Variants in CUX2 observed in about 807,000 individuals in gnomAD.
CUX2 encodes homeobox protein cut-like 2.
A neutral mutation model predicts 144.8 loss-of-function variants in CUX2; 40 were observed. The ratio of observed to expected loss-of-function variants is 0.28; its 90% CI spans 0.21 to 0.36. CUX2 has a LOEUF of 0.36. Among genes scored for constraint, CUX2 ranks in the 10% least tolerant of loss-of-function variants. The pLI, the probability that CUX2 is intolerant of heterozygous loss-of-function variation, is 1.00. For synonymous variants in CUX2, 827 were observed against 875.6 expected (o/e 0.94, Z 0.98); for missense variants, 1,615 against 1,994.0 (o/e 0.81, Z 3.62).
In CUX2 at chr12:111,322,387, C is replaced by A; in HGVS notation, c.2767-34C>A. 1 of 1,528,576 alleles carries A rather than the reference C, an allele frequency of 6.5e-7. No homozygotes were observed. Among genetic ancestry groups the A allele is most frequent in the Admixed American group, 2.1e-5 (1 of 48,288 alleles). 94.7% of individuals were successfully genotyped at this position (1,528,576 alleles called of 1,614,324 possible). On this transcript the variant is annotated intron_variant, in intron 17 of 21. Transcript: ENST00000261726. The surrounding 1 kb of genome is among the most constrained non-coding windows in gnomAD (Gnocchi z 4.2). ...AGGGCCAGGCCCATGTCCCAGGGGC[C>A]TGCTGACCTACCCCCCTGGCCCGCC...
chr12:111,186,124 C>T lies in CUX2; in HGVS notation c.64-28076C>T, dbSNP rs1879513756. ...TCTGTCTCCGTCTCACTAGATTTCGCTTTCACGTCCTCTCTCGGCATTTCT... is the reference window on the plus strand; with the variant it reads ...TCTGTCTCCGTCTCACTAGATTTCGTTTTCACGTCCTCTCTCGGCATTTCT... On this transcript the variant is annotated intron_variant, in intron 1 of 21. Transcript: ENST00000261726. The surrounding 1 kb of genome is among the most constrained non-coding windows in gnomAD (Gnocchi z 4.4). 6.6e-6 allele frequency among the ~76,000 whole-genome samples: 1 copy of T among 152,066 alleles called. No individual in the cohort carries two copies. Among genetic ancestry groups the T allele is most frequent in the Non-Finnish European group, 1.5e-5 (1 of 68,028 alleles).
intron 1 of CUX2, among the ~76,000 whole-genome samples, chr12:111,166,012 C>T (rs1878116168): frequency 1.3e-5 from 2 of 152,042 alleles, no homozygotes; most frequent in Non-Finnish European, 2.9e-5. Context: ...TCCACTTTGA[C>T]TCTTTTTTGT....
chr12:111,064,423 G>T (rs1870939209), intron 1 of CUX2, among the ~76,000 whole-genome samples: 1 of 152,192 alleles, frequency 6.6e-6, no homozygotes, highest in Non-Finnish European at 1.5e-5. Context: ...ACATTCAAGT[G>T]GTGTCAGTTG....
At chr12:111,337,992 GC>G (rs1450786949) in intron 19 of CUX2, among the ~76,000 whole-genome samples, 2 of 151,846 alleles carry the variant, frequency 1.3e-5, no homozygotes, top group Non-Finnish European at 2.9e-5. Flanking sequence ...CCAAGATCAT[GC>G]CACTACGCTC....
rs75261212 is a variant in CUX2 at position 111,302,970 on chromosome 12, C to T, written c.754-1240C>T. ...GGCACAGTAGCTCATGCCTGTAATC[C>T]CAGCACTTTGGGAAGCCAAGGCAAG... On this transcript the variant is annotated intron_variant, in intron 9 of 21. Coordinates refer to ENST00000261726, the MANE Select transcript of CUX2 (RefSeq NM_015267.4). 5.0e-3 allele frequency among the ~76,000 whole-genome samples: 753 copies of T among 151,536 alleles called. 22 individuals carry two copies. In the East Asian group the frequency reaches 0.094, roughly 19 times the overall value.
intron 1 of CUX2, among the ~76,000 whole-genome samples, chr12:111,205,314 G>T (rs1030483933): frequency 6.6e-6 from 1 of 152,052 alleles, no homozygotes. Context: ...ATCCCCTGAA[G>T]CCCTCCTCAG....
intron 3 of CUX2, among the ~76,000 whole-genome samples, chr12:111,243,714 C>T (rs962745609): frequency 1.3e-5 from 2 of 151,820 alleles, no homozygotes; most frequent in Admixed American, 1.3e-4. Context: ...CAGCTTGGCC[C>T]TGGACTGAGG....
At chr12:111,036,027 T>G (rs1869428921) in intron 1 of CUX2, among the ~76,000 whole-genome samples, 1 of 152,160 alleles carries the variant, frequency 6.6e-6, no homozygotes, top group African/African-American at 2.4e-5. Flanking sequence ...GTAATCGTAT[T>G]CCCTGCTAAT....
At chr12:111,141,822 C>T (rs936860671) in intron 1 of CUX2, among the ~76,000 whole-genome samples, 15 of 152,206 alleles carry the variant, frequency 9.9e-5, no homozygotes, top group African/African-American at 2.2e-4. Context: ...CAGTGGCTCA[C>T]GCCTATAATC....
intron 16 of CUX2, among the ~76,000 whole-genome samples, chr12:111,318,245 CTTT>C (rs541676829): frequency 1.3e-5 from 1 of 78,880 alleles, no homozygotes; most frequent in Admixed American, 1.4e-4. Flanking sequence ...TTTCTTTTTT[CTTT>C]TTTTTTTTTT....
chr12:111,095,872 T>C (rs905810321), intron 1 of CUX2, among the ~76,000 whole-genome samples: 6 of 152,212 alleles, frequency 3.9e-5, no homozygotes, highest in African/African-American at 9.6e-5. Flanking sequence ...TGAAGGAGCA[T>C]GCTGGGTGCC....
chr12:111,204,674 C>A (rs1490904919), intron 1 of CUX2, among the ~76,000 whole-genome samples: 1 of 152,174 alleles, frequency 6.6e-6, no homozygotes, highest in Non-Finnish European at 1.5e-5. Flanking sequence ...CACCTGCATC[C>A]TAAGACCCTT....
intron 1 of CUX2, among the ~76,000 whole-genome samples, chr12:111,187,253 C>T (rs184086867): frequency 1.8e-3 from 275 of 152,304 alleles, no homozygotes; most frequent in African/African-American, 5.9e-3. Flanking sequence ...TCAGTGACGC[C>T]GGCATCAGGA....
rs139366100 is a variant in CUX2 at position 111,321,473 on chromosome 12, G to GA, written c.2766+710dup. 3.7e-3 allele frequency among the ~76,000 whole-genome samples: 498 copies of GA among 136,226 alleles called. 2 individuals carry two copies. The highest frequency in any genetic ancestry group is 0.013 in the South Asian group (57 of 4,310). The allele number at this position is 136,226 out of a possible 152,430, so 89.4% of individuals were successfully genotyped here. ...GACAGAACGATACTCCATCTCAAAA[G>GA]AAAAAAAAAAAAGTGTTTGGGATCA... is the stretch of plus-strand genomic sequence containing the variant. On this transcript the variant is annotated intron_variant, in intron 17 of 21. Transcript: ENST00000261726.
intron 1 of CUX2, among the ~76,000 whole-genome samples, chr12:111,050,550 A>G (rs762135107): frequency 1.3e-5 from 2 of 152,146 alleles, no homozygotes; most frequent in Non-Finnish European, 2.9e-5. Flanking sequence ...GGATGGCTCC[A>G]TCCGGGTCTA....
rs559268439 is a variant in CUX2 at position 111,126,876 on chromosome 12, C to T, written c.64-87324C>T. ...AGATAATAACAAGGTCATAATCCCA[C>T]GTAATGTGATACAACTATCCTGTGT... is the stretch of plus-strand genomic sequence containing the variant. On this transcript the variant is annotated intron_variant, in intron 1 of 21. Transcript: ENST00000261726. Among the ~76,000 whole-genome samples the T allele has an allele frequency of 1.4e-4, 21 of 152,158 alleles. 1 individual carries two copies. Among genetic ancestry groups the T allele is most frequent in the Non-Finnish European group, 2.6e-4 (18 of 68,032 alleles).
intron 3 of CUX2, among the ~76,000 whole-genome samples, chr12:111,225,534 A>G (rs958499903): frequency 3.3e-5 from 5 of 152,238 alleles, no homozygotes; most frequent in African/African-American, 1.2e-4. Flanking sequence ...AGAGAGGTCA[A>G]GTGACTTGCC....
At chr12:111,172,838 A>G (rs1221865337) in intron 1 of CUX2, among the ~76,000 whole-genome samples, 1 of 152,274 alleles carries the variant, frequency 6.6e-6, no homozygotes, top group Non-Finnish European at 1.5e-5. Context: ...GCAGTGAGCC[A>G]GATGTCCACA....
intron 19 of CUX2, among the ~76,000 whole-genome samples, chr12:111,337,689 G>C (rs73412340): frequency 0.051 from 7,704 of 152,268 alleles, 319 homozygotes; most frequent in South Asian, 0.19. Flanking sequence ...TGTGTATGAT[G>C]TTGGCAGACA....
Sources: allele counts gnomAD v4.1 joint callset (sites outside exome capture counted in the v4.1 genomes callset), GRCh38; gene constraint gnomAD v4.1.1; non-coding constraint Gnocchi (gnomAD v3.1); transcripts MANE v1.5; gene names NCBI Gene and HGNC (gene_info 2026-07-23, HGNC 2026-07-21).